NCL: variants seen among roughly 807,000 people sequenced by gnomAD.
NCL encodes the protein nucleolin multifunctional protein.
A neutral mutation model predicts 77.7 loss-of-function variants in NCL; 4 were observed. The ratio of observed to expected loss-of-function variants is 0.05; its 90% CI spans 0.03 to 0.12. The LOEUF is 0.12. Among genes scored for constraint, NCL ranks in the 10% least tolerant of loss-of-function variants. The pLI, the probability that NCL is intolerant of heterozygous loss-of-function variation, is 1.00. For missense variants in NCL, 763 were observed against 860.9 expected (o/e 0.89, Z 1.42); for synonymous variants, 344 against 297.8 (o/e 1.16, Z -1.60).
chr2:231,459,160 G>A (rs1312827005), intron 6 of NCL, 35 bp from the exon 7 acceptor site: 1 of 1,509,722 alleles, frequency 6.6e-7, no homozygotes, highest in Non-Finnish European at 8.8e-7. Flanking sequence ...ATTACAACAG[G>A]TGAAAACACA....
At position 231,455,732 on chromosome 2, in the gene NCL, T is replaced by C. The variant is rs1015228303; in HGVS notation, c.1833-108A>G. 6.0e-6 allele frequency: 8 copies of C among 1,336,602 alleles called. No individual in the cohort carries two copies. In the African/African-American group the frequency reaches 1.0e-4, roughly 17 times the overall value. 82.8% of individuals were successfully genotyped at this position (1,336,602 alleles called of 1,614,324 possible). On this transcript the variant is annotated intron_variant, in intron 12 of 13. Coordinates refer to ENST00000322723, the MANE Select transcript of NCL (RefSeq NM_005381.3). ...CCCACAGAAAGTAGCCTTGTTTATT[T>C]GGGAAAAGATACCAGTGACAGAGTA...
chr2:231,457,190 T>C (rs898267514), intron 9 of NCL, 66 bp from the exon 10 acceptor site: 14 of 1,595,388 alleles, frequency 8.8e-6, no homozygotes, highest in Non-Finnish European at 1.2e-5. Context: ...GTCACAACAG[T>C]AATATCTTAT....
At position 231,454,581 on chromosome 2, in the gene NCL, C is replaced by CA. The variant is rs2046864655; in HGVS notation, c.*609dup. Reference sequence around the variant, plus strand: ...AGCCTTCAAGTCAGCACCAGGGCTGCAGGAGCAGGTCCCCTCACCAGCATT... The same window carrying CA: ...AGCCTTCAAGTCAGCACCAGGGCTGCAAGGAGCAGGTCCCCTCACCAGCATT... On this transcript the variant is annotated 3_prime_UTR_variant, in exon 14 of 14. Transcript: ENST00000322723. 6.5e-6 allele frequency: 1 copy of CA among 153,022 alleles called. No homozygotes were observed. 9.5% of individuals were successfully genotyped at this position (153,022 alleles called of 1,614,324 possible). A position where few individuals can be genotyped will look rare whatever the true frequency, so the allele number is the denominator to read the frequency against.
rs1156658824 is a variant in NCL, at chr2:231,455,275, A to G, written c.2057-8T>C. The stretch of plus-strand genomic sequence containing the variant: ...CTCGGAAGCCTCCTCGCCCTACAGG[A>G]GGAAGGCAAGACACTGTTAAAAGAA... On this transcript the variant is annotated splice_polypyrimidine_tract_variant and splice_region_variant and intron_variant, in intron 13 of 13. Transcript: ENST00000322723. The G allele has an allele frequency of 1.2e-6, 2 of 1,613,992 alleles. No homozygotes were observed. The highest frequency in any genetic ancestry group is 3.3e-5 in the Admixed American group (2 of 60,000).
intron 7 of NCL, chr2:231,458,640 CA>C (rs1324662682): frequency 8.0e-6 from 4 of 499,168 alleles, no homozygotes; most frequent in Non-Finnish European, 1.0e-5. Context: ...ACGCGCATAA[CA>C]AAAAAAGTGA....
intron 9 of NCL, 152 bp from the exon 10 acceptor site, chr2:231,457,276 T>C (rs778384470): frequency 2.8e-6 from 3 of 1,081,330 alleles, no homozygotes; most frequent in Admixed American, 3.9e-5. Flanking sequence ...TTACTCAACA[T>C]ATTAAGTACC....
In NCL at chr2:231,455,057, C is replaced by T. The variant is rs879033966; in HGVS notation, c.*134G>A. The stretch of plus-strand genomic sequence containing the variant: ...TATTGCCCTTGAAATGTTAACTAGA[C>T]GGATTTCCAAGGAGACCACAGGACT... On this transcript the variant is annotated 3_prime_UTR_variant, in exon 14 of 14. Coordinates refer to ENST00000322723, the MANE Select transcript of NCL (RefSeq NM_005381.3). The T allele has an allele frequency of 2.4e-5, 23 of 942,830 alleles. No individual in the cohort carries two copies. Among genetic ancestry groups the T allele is most frequent in the African/African-American group, 1.3e-4 (8 of 60,728 alleles). The allele number at this position is 942,830 out of a possible 1,614,324, so 58.4% of individuals were successfully genotyped here.
rs192374455 is a variant in NCL, at chr2:231,455,181, G to A, written c.*10C>T. The A allele has an allele frequency of 2.2e-5, 35 of 1,614,086 alleles. No homozygotes were observed. In the East Asian group the frequency reaches 7.4e-4, roughly 34 times the overall value. Reference sequence around the variant, plus strand: ...TTTCAAATGGAAAAGGGAAAGCAGAGGGACAGAAGCTATTCAAACTTCGTC... The same window carrying A: ...TTTCAAATGGAAAAGGGAAAGCAGAAGGACAGAAGCTATTCAAACTTCGTC... On this transcript the variant is annotated 3_prime_UTR_variant, in exon 14 of 14. Transcript: ENST00000322723.
intron 12 of NCL, 56 bp from the exon 13 acceptor site, chr2:231,455,680 A>C: frequency 6.4e-7 from 1 of 1,563,060 alleles, no homozygotes; most frequent in Middle Eastern, 1.7e-4. Context: ...ACATGTCCCA[A>C]GTTAACTGTA....
Position 231,454,255 on chromosome 2 carries a change from C to G in NCL, c.*936G>C, listed in dbSNP as rs1270719939. The G allele has an allele frequency of 6.6e-6, 1 of 152,276 alleles. No individual in the cohort carries two copies. The allele number at this position is 152,276 out of a possible 1,614,324, so 9.4% of individuals were successfully genotyped here. A position where few individuals can be genotyped will look rare whatever the true frequency, so the allele number is the denominator to read the frequency against. On this transcript the variant is annotated 3_prime_UTR_variant, in exon 14 of 14. Coordinates refer to ENST00000322723, the MANE Select transcript of NCL (RefSeq NM_005381.3). ...CTGCTTCCCGGGTTCACGTGACTCT[C>G]CCGCTTCAGCCTCCTGAGTAGCTGG...
rs1456104629 is a variant in NCL at position 231,464,089 on chromosome 2, C to A, written c.18+247G>T. 2.2e-6 allele frequency: 3 copies of A among 1,354,492 alleles called. No homozygotes were observed. In the African/African-American group the frequency reaches 4.4e-5, roughly 20 times the overall value. The allele number at this position is 1,354,492 out of a possible 1,614,324, so 83.9% of individuals were successfully genotyped here. ...CTCTCCACCCCGAGGCCCAGCGCCC[C>A]CTCCCCGCGCTCAGTGACTCTGTCT... On this transcript the variant is annotated intron_variant, in intron 1 of 13. Coordinates refer to ENST00000322723, the MANE Select transcript of NCL (RefSeq NM_005381.3).
At chr2:231,456,373 A>G in intron 11 of NCL, 1 of 897,288 alleles carries the variant, frequency 1.1e-6, no homozygotes. Flanking sequence ...GGGAGAAGCA[A>G]CCCAAGCAGG....
chr2:231,456,569 AAAAT>A (rs2046890593), intron 11 of NCL, 58 bp downstream of exon 11: 1 of 1,608,826 alleles, frequency 6.2e-7, no homozygotes. Context: ...ATTTGTGCAA[AAAAT>A]AAACAAAGCA....
chr2:231,460,593 A>C (rs2046938033), intron 4 of NCL, 29 bp from the exon 5 acceptor site: 2 of 1,614,056 alleles, frequency 1.2e-6, no homozygotes, highest in African/African-American at 1.3e-5. Context: ...AATGTATCAC[A>C]CATCAGTAGC....
At chr2:231,457,275 A>G (rs758575442) in intron 9 of NCL, 151 bp from the exon 10 acceptor site, 1 of 1,087,684 alleles carries the variant, frequency 9.2e-7, no homozygotes, top group East Asian at 2.5e-5. Flanking sequence ...GTTACTCAAC[A>G]TATTAAGTAC....
Position 231,463,217 on chromosome 2 carries a change from C to T in NCL, c.118G>A (p.Asp40Asn), listed in dbSNP as rs375715628. ...AAAATTACCTCTTCTCCACTGCTAT[C>T]ATCTTCTTCATCTTCTGACATTTCC... is the stretch of plus-strand genomic sequence containing the variant. ...DEEMSEDEED[D>N]SSGEEVVIPQ... is the part of the protein sequence containing the mutation. The change falls in exon 2 of 14, where the codon GAT becomes AAT. Residue 40 changes from aspartate (D) to asparagine (N), a missense_variant. Physicochemically the swap from Asp to Asn is conservative, Grantham distance 23. Transcript: ENST00000322723. The T allele has an allele frequency of 9.3e-6, 15 of 1,607,932 alleles. No homozygotes were observed. In the African/African-American group the frequency reaches 1.7e-4, roughly 19 times the overall value.
rs770275346 is a variant in NCL at position 231,460,775 on chromosome 2, A to T, written c.705T>A (p.Asp235Glu). ...VPVKAKNVAE[D>E]EDEEEDDEDE... is the part of the protein sequence containing the mutation. ...CCTCATCATCCTCTTCTTCATCTTCATCCTCAGCCACGTTCTTGGCTTTCA... is the reference window on the plus strand; with the variant it reads ...CCTCATCATCCTCTTCTTCATCTTCTTCCTCAGCCACGTTCTTGGCTTTCA... The change falls in exon 4 of 14, where the codon GAT becomes GAA. Residue 235 changes from aspartate (D) to glutamate (E), a missense_variant. Around this residue, in one of 2 missense-constraint regions of NCL, gnomAD observed 590 missense variants for 570.5 expected, o/e 1.03. Coordinates refer to ENST00000322723, the MANE Select transcript of NCL (RefSeq NM_005381.3). 2 of 1,613,788 alleles carry T rather than the reference A, an allele frequency of 1.2e-6. No homozygotes were observed. The highest frequency in any genetic ancestry group is 3.3e-5 in the Admixed American group (2 of 59,988).
intron 11 of NCL, chr2:231,456,421 C>A: frequency 9.6e-7 from 1 of 1,038,724 alleles, no homozygotes; most frequent in Non-Finnish European, 1.5e-6. Flanking sequence ...CATGGGCAAA[C>A]TTGCTACTCT....
intron 9 of NCL, 91 bp downstream of exon 9, chr2:231,457,552 T>C: frequency 5.4e-6 from 7 of 1,291,596 alleles, no homozygotes; most frequent in Non-Finnish European, 7.5e-6. Context: ...GTAACTTTGA[T>C]TAAAAAGTAT....
Sources: allele counts gnomAD v4.1 joint callset, GRCh38; gene constraint gnomAD v4.1.1; regional missense constraint gnomAD v4.1.1; transcripts MANE v1.5; gene names NCBI Gene and HGNC (gene_info 2026-07-23, HGNC 2026-07-21).